TRPM3: variants seen among roughly 807,000 people sequenced by gnomAD.
TRPM3 encodes transient receptor potential cation channel subfamily M member 3, also known as long transient receptor potential channel 3.
A neutral mutation model predicts 181.2 loss-of-function variants in TRPM3; 77 were observed. The observed-to-expected ratio is 0.42, with a 90% confidence interval of 0.35 to 0.51. The LOEUF (loss-of-function observed/expected upper bound fraction) is 0.51, where lower values mean the gene tolerates loss of function less well. TRPM3 is among the 20% of genes least tolerant of loss of function. TRPM3 has a pLI of 0.01. For missense variants in TRPM3, 1,759 were observed against 2,196.7 expected (o/e 0.80, Z 3.98); for synonymous variants, 745 against 796.4 (o/e 0.94, Z 1.09).
At chr9:71,345,085 A>T (rs1415982993) in intron 1 of TRPM3, among the ~76,000 whole-genome samples, 1 of 152,214 alleles carries the variant, frequency 6.6e-6, no homozygotes, top group Non-Finnish European at 1.5e-5. Flanking sequence ...AAAAGTCAGG[A>T]AATAACAGAT....
At chr9:70,929,764 C>T (rs989388949) in intron 1 of TRPM3, among the ~76,000 whole-genome samples, 52 of 152,114 alleles carry the variant, frequency 3.4e-4, no homozygotes, top group Non-Finnish European at 6.6e-4. Context: ...TCAGTAAGTG[C>T]TTGAACATAT....
chr9:71,144,944 A>C (rs1353768292), intron 1 of TRPM3, among the ~76,000 whole-genome samples: 3 of 152,178 alleles, frequency 2.0e-5, no homozygotes, highest in African/African-American at 7.2e-5. Context: ...TATCCATGAC[A>C]ACCCAGATTT....
At chr9:70,892,653 G>A (rs558881349) in intron 1 of TRPM3, among the ~76,000 whole-genome samples, 4 of 148,814 alleles carry the variant, frequency 2.7e-5, no homozygotes, top group African/African-American at 9.9e-5. Flanking sequence ...GCATTTATGA[G>A]AATCTATCAC....
At chr9:71,247,353 CAAA>C (rs34584730) in intron 1 of TRPM3, among the ~76,000 whole-genome samples, 4 of 82,300 alleles carry the variant, frequency 4.9e-5, no homozygotes, top group South Asian at 8.5e-4. Context: ...GACTCTGTCT[CAAA>C]AAAAAAAAAA....
At chr9:71,101,551 CAGTT>C (rs2068389709) in intron 1 of TRPM3, among the ~76,000 whole-genome samples, 1 of 152,092 alleles carries the variant, frequency 6.6e-6, no homozygotes, top group Non-Finnish European at 1.5e-5. Context: ...AGTTCAAACT[CAGTT>C]AAAGAACTCT....
chr9:71,061,015 C>A (rs2061269412), intron 1 of TRPM3, among the ~76,000 whole-genome samples: 1 of 152,044 alleles, frequency 6.6e-6, no homozygotes, highest in South Asian at 2.1e-4. Flanking sequence ...TCATCTGGGT[C>A]TTTATCCCTC....
At chr9:70,598,156 T>G (rs925556226) in intron 21 of TRPM3, among the ~76,000 whole-genome samples, 3 of 152,208 alleles carry the variant, frequency 2.0e-5, no homozygotes, top group African/African-American at 7.2e-5. Flanking sequence ...TATACCCAAC[T>G]CCTAGTCCAG....
At position 70,568,504 on chromosome 9, in the gene TRPM3, A is replaced by G. The variant is rs17055314; in HGVS notation, c.3224-15194T>C. ...TTTCTGACCCATTCATTTGTTTTTCAAAATTTTTGTTTCACAGACACTTAT... is the reference window on the plus strand; with the variant it reads ...TTTCTGACCCATTCATTTGTTTTTCGAAATTTTTGTTTCACAGACACTTAT... On this transcript the variant is annotated intron_variant, in intron 22 of 25. Transcript: ENST00000677713. 6.1e-3 allele frequency among the ~76,000 whole-genome samples: 928 copies of G among 152,380 alleles called. 28 individuals carry two copies. In the East Asian group the frequency reaches 0.098, roughly 16 times the overall value.
intron 21 of TRPM3, among the ~76,000 whole-genome samples, chr9:70,595,896 C>A (rs1450939988): frequency 6.6e-6 from 1 of 152,148 alleles, no homozygotes; most frequent in East Asian, 1.9e-4. Context: ...GGGTAAGTAA[C>A]TCAAGCTCAT....
intron 1 of TRPM3, among the ~76,000 whole-genome samples, chr9:71,045,554 G>T (rs1192487123): frequency 6.6e-6 from 1 of 152,134 alleles, no homozygotes; most frequent in Non-Finnish European, 1.5e-5. Flanking sequence ...CCTGCAGATT[G>T]CTTATGAGAT....
At position 70,536,512 on chromosome 9, in the gene TRPM3, C is replaced by G; in HGVS notation, c.4601G>C (p.Ser1534Thr). The part of the protein sequence containing the change: ...LEEAPIVKSH[S>T]FMFSPSRSYY... ...GCTCCTTGAGGGGGAAAACATAAAG[C>G]TATGAGATTTCACAATGGGAGCCTC... is the stretch of plus-strand genomic sequence containing the variant. The change falls in exon 26 of 26, where the codon AGC (serine) becomes ACC (threonine). Residue 1534 changes from serine to threonine, a missense_variant. Around this residue, in one of 8 missense-constraint regions of TRPM3, gnomAD observed 612 missense variants for 590.0 expected, o/e 1.04. Transcript: ENST00000677713. The G allele has an allele frequency of 6.2e-7, 1 of 1,614,172 alleles. No homozygotes were observed. The highest frequency in any genetic ancestry group is 8.5e-7 in the Non-Finnish European group (1 of 1,180,044).
At position 71,410,960 on chromosome 9, in the gene TRPM3, A is replaced by G. The variant is rs950033693; in HGVS notation, c.183+35693T>C. Among the ~76,000 whole-genome samples the G allele has an allele frequency of 4.3e-4, 65 of 152,356 alleles. 1 individual carries two copies. The highest frequency in any genetic ancestry group is 1.6e-3 in the African/African-American group (65 of 41,580). On this transcript the variant is annotated intron_variant, in intron 1 of 24. Coordinates refer to the TRPM3 transcript ENST00000357533. ...AGGCTAGTTCAACATATGAAAATCAATAAACGTAATCCATCATATAAACAG... is the reference window on the plus strand; with the variant it reads ...AGGCTAGTTCAACATATGAAAATCAGTAAACGTAATCCATCATATAAACAG...
intron 6 of TRPM3, among the ~76,000 whole-genome samples, chr9:70,812,505 G>A (rs2092214890): frequency 1.3e-5 from 2 of 152,170 alleles, no homozygotes; most frequent in African/African-American, 4.8e-5. Context: ...AGCAACTACT[G>A]TACATTTTCC....
At chr9:71,306,745 G>A (rs1424996445) in intron 1 of TRPM3, among the ~76,000 whole-genome samples, 2 of 152,090 alleles carry the variant, frequency 1.3e-5, no homozygotes, top group African/African-American at 2.4e-5. Flanking sequence ...GTGGTAATGC[G>A]TGCCTGTAGT....
At chr9:70,823,130 C>T (rs1015100919) in intron 6 of TRPM3, among the ~76,000 whole-genome samples, 14 of 152,080 alleles carry the variant, frequency 9.2e-5, no homozygotes, top group Non-Finnish European at 1.6e-4. Context: ...GCAGTGCTCC[C>T]CCCGACCCCA....
chr9:71,269,308 G>A (rs1036756580), intron 1 of TRPM3, among the ~76,000 whole-genome samples: 3 of 152,150 alleles, frequency 2.0e-5, no homozygotes, highest in South Asian at 2.1e-4. Flanking sequence ...TTTTGCACAC[G>A]ACTGGGATTT....
Position 71,405,302 on chromosome 9 carries a change from AT to A in TRPM3, c.183+41350del, listed in dbSNP as rs1156738636. 9.2e-5 allele frequency among the ~76,000 whole-genome samples: 14 copies of A among 152,254 alleles called. No individual in the cohort carries two copies. The South Asian group carries it at 1.9e-3, about 20-fold the overall frequency. On this transcript the variant is annotated intron_variant, in intron 1 of 24. Transcript: ENST00000357533. ...ATACAGCAAAGTGCAAAATGCACAA[AT>A]TTTTTTTAAAAAAATCTTCCTTTTA...
intron 1 of TRPM3, among the ~76,000 whole-genome samples, chr9:71,352,181 G>A (rs1239259100): frequency 6.6e-6 from 1 of 152,128 alleles, no homozygotes; most frequent in African/African-American, 2.4e-5. Context: ...GGCTGGAAAT[G>A]AGAAGATCTT....
intron 22 of TRPM3, among the ~76,000 whole-genome samples, chr9:70,589,180 T>C (rs12347269): frequency 0.084 from 12,830 of 152,228 alleles, 1,087 homozygotes; most frequent in African/African-American, 0.22. Flanking sequence ...GAACACATCT[T>C]CTCTGTCTCC....
Sources: gnomAD v4.1 joint callset for allele counts (sites outside exome capture counted in the v4.1 genomes callset) on GRCh38, gnomAD v4.1.1 for gene constraint, gnomAD v4.1.1 regional missense constraint, MANE v1.5 for transcripts, NCBI Gene and HGNC (gene_info 2026-07-23, HGNC 2026-07-21) for gene names.